Variants in ZNF407 observed in about 807,000 individuals in gnomAD.
ZNF407 encodes the protein zinc finger protein 407.
Under a neutral mutation model 131.2 loss-of-function variants are expected in ZNF407, and 17 were observed. The observed-to-expected ratio is 0.13, with a 90% CI of 0.09 to 0.19. The LOEUF (loss-of-function observed/expected upper bound fraction) is 0.19. Ranked by LOEUF, ZNF407 falls within the 10% of genes least tolerant of loss-of-function variation. The pLI is 1.00. For missense variants in ZNF407, 2,681 were observed against 2,830.6 expected (o/e 0.95, Z 1.20); for synonymous variants, 1,156 against 1,062.0 (o/e 1.09, Z -1.72).
rs551301512 is a variant in ZNF407, at chr18:74,781,279, G to A, written c.4803-149G>A. The A allele has an allele frequency of 1.6e-5, 9 of 551,034 alleles. No homozygotes were observed. In the East Asian group the frequency reaches 3.2e-4, roughly 19 times the overall value. 34.1% of individuals were successfully genotyped at this position (551,034 alleles called of 1,614,324 possible). The stretch of plus-strand genomic sequence containing the variant: ...TGAAGTCCTACAGTATATTTAATCT[G>A]TATGCAAGCTTTGGTGTAGCAAGAG... On this transcript the variant is annotated intron_variant, in intron 3 of 8. Coordinates refer to ENST00000299687, the MANE Select transcript of ZNF407 (RefSeq NM_017757.3).
At position 75,014,405 on chromosome 18, in the gene ZNF407, A is replaced by G. The variant is rs1599294367; in HGVS notation, c.5429-48745A>G. On this transcript the variant is annotated intron_variant, in intron 8 of 8. Transcript: ENST00000299687. ...CCCCCATGTTAATTTCTTCCAATCT[A>G]AGTCATCTCTACCCCTTCTTGAAGG... Among the ~76,000 whole-genome samples, 7 of 152,002 alleles carry G rather than the reference A, an allele frequency of 4.6e-5. No homozygotes were observed. In the South Asian group the frequency reaches 1.5e-3, roughly 32 times the overall value.
chr18:74,981,229 G>A (rs1599276818), intron 8 of ZNF407, among the ~76,000 whole-genome samples: 1 of 152,364 alleles, frequency 6.6e-6, no homozygotes, highest in African/African-American at 2.4e-5. Context: ...ACCCCCGTCA[G>A]TGGGTGCTGT....
At chr18:74,688,381 T>C (rs545262412) in intron 3 of ZNF407, among the ~76,000 whole-genome samples, 3 of 152,208 alleles carry the variant, frequency 2.0e-5, no homozygotes, top group Non-Finnish European at 4.4e-5. Flanking sequence ...CTAACAGATA[T>C]CTATGGGAAC....
At chr18:74,726,998 G>A (rs1393819959) in intron 3 of ZNF407, among the ~76,000 whole-genome samples, 1 of 152,064 alleles carries the variant, frequency 6.6e-6, no homozygotes, top group Non-Finnish European at 1.5e-5. Context: ...TGTCTTAATA[G>A]GAAACCAGAA....
At chr18:75,000,193 T>C (rs1352429145) in intron 8 of ZNF407, among the ~76,000 whole-genome samples, 1 of 152,094 alleles carries the variant, frequency 6.6e-6, no homozygotes, top group Non-Finnish European at 1.5e-5. Context: ...CAGGGGGACG[T>C]GAGTTGGAGA....
intron 7 of ZNF407, among the ~76,000 whole-genome samples, chr18:74,912,322 C>T (rs980483931): frequency 1.3e-5 from 2 of 151,890 alleles, no homozygotes; most frequent in African/African-American, 4.8e-5. Context: ...ACCACTGTCC[C>T]GTGAGTGATT....
intron 5 of ZNF407, among the ~76,000 whole-genome samples, chr18:74,879,135 A>G (rs950765928): frequency 1.3e-5 from 2 of 152,206 alleles, no homozygotes; most frequent in Non-Finnish European, 2.9e-5. Context: ...ATATGTAAGT[A>G]TGCAGCATCT....
At chr18:74,700,299 A>G (rs938650012) in intron 3 of ZNF407, among the ~76,000 whole-genome samples, 3 of 152,224 alleles carry the variant, frequency 2.0e-5, no homozygotes, top group Admixed American at 6.5e-5. Flanking sequence ...TTCTAGATAA[A>G]GCCACCTAAC....
intron 8 of ZNF407, among the ~76,000 whole-genome samples, chr18:75,007,294 C>G (rs1274036704): frequency 6.6e-6 from 1 of 151,830 alleles, no homozygotes; most frequent in African/African-American, 2.4e-5. Flanking sequence ...TTACCTCATT[C>G]CATCTTTTTT....
intron 3 of ZNF407, among the ~76,000 whole-genome samples, chr18:74,707,997 T>G (rs997063994): frequency 2.0e-5 from 3 of 152,250 alleles, no homozygotes; most frequent in Admixed American, 6.5e-5. Context: ...ATGACATTAA[T>G]TTTTACTGGC....
At position 74,632,387 on chromosome 18, in the gene ZNF407, T is replaced by G. The variant is rs760504770; in HGVS notation, c.1368T>G (p.Thr456=). The change falls in exon 2 of 9, where the codon ACT becomes ACG. Residue 456 remains threonine, a synonymous_variant. Coordinates refer to ENST00000299687, the MANE Select transcript of ZNF407 (RefSeq NM_017757.3). ...LLGIKRGTSE[T]QRMYMKHLRT... is the part of the protein sequence containing the mutation. ...GAATTAAAAGAGGTACAAGTGAAAC[T>G]CAGAGGATGTATATGAAACACTTGA... The G allele has an allele frequency of 6.2e-7, 1 of 1,613,998 alleles. No homozygotes were observed. The highest frequency in any genetic ancestry group is 1.1e-5 in the South Asian group (1 of 91,086).
At chr18:74,614,647 C>T (rs376500401) in intron 1 of ZNF407, among the ~76,000 whole-genome samples, 2 of 151,994 alleles carry the variant, frequency 1.3e-5, no homozygotes, top group East Asian at 3.8e-4. Flanking sequence ...ATTTTTTGTC[C>T]CTATCCCAAA....
chr18:74,806,100 A>G (rs978444627), intron 4 of ZNF407, among the ~76,000 whole-genome samples: 9 of 152,258 alleles, frequency 5.9e-5, no homozygotes, highest in Admixed American at 3.3e-4. Context: ...GAGTAAGATT[A>G]TACTTTGTAG....
At chr18:74,747,639 A>G (rs1249290612) in intron 3 of ZNF407, among the ~76,000 whole-genome samples, 5 of 152,082 alleles carry the variant, frequency 3.3e-5, no homozygotes, top group Non-Finnish European at 5.9e-5. Context: ...GAATATTACC[A>G]TCATTGCTAT....
At chr18:74,991,309 G>T (rs922834176) in intron 8 of ZNF407, among the ~76,000 whole-genome samples, 6 of 152,188 alleles carry the variant, frequency 3.9e-5, no homozygotes, top group African/African-American at 1.4e-4. Context: ...TTTAACAGCA[G>T]TGCCTTGCAA....
At chr18:75,042,782 G>T (rs909811581) in intron 8 of ZNF407, among the ~76,000 whole-genome samples, 19 of 152,154 alleles carry the variant, frequency 1.2e-4, no homozygotes, top group Non-Finnish European at 2.1e-4. Flanking sequence ...CTATAGTTTT[G>T]TCTTTTCCAG....
At chr18:74,735,755 A>G (rs1373576899) in intron 3 of ZNF407, among the ~76,000 whole-genome samples, 1 of 152,168 alleles carries the variant, frequency 6.6e-6, no homozygotes, top group Non-Finnish European at 1.5e-5. Context: ...GAATCTTAAC[A>G]TTCTTTGGAG....
intron 6 of ZNF407, among the ~76,000 whole-genome samples, chr18:74,885,661 C>T (rs917581076): frequency 6.6e-6 from 1 of 152,122 alleles, no homozygotes; most frequent in African/African-American, 2.4e-5. Context: ...ATGGAGATTG[C>T]AGAAATAGAC....
chr18:74,724,856 G>A (rs1231636874), intron 3 of ZNF407, among the ~76,000 whole-genome samples: 2 of 152,188 alleles, frequency 1.3e-5, no homozygotes, highest in African/African-American at 4.8e-5. Flanking sequence ...ATTCCTAGAA[G>A]TAGAATATTG....
Sources: allele counts gnomAD v4.1 joint callset (sites outside exome capture counted in the v4.1 genomes callset), GRCh38; gene constraint gnomAD v4.1.1; transcripts MANE v1.5; gene names NCBI Gene and HGNC (gene_info 2026-07-23, HGNC 2026-07-21).